The following SLC4A4 variants were observed in gnomAD, a reference collection of about 807,000 sequenced individuals.
SLC4A4 encodes electrogenic sodium bicarbonate cotransporter 1.
A neutral mutation model predicts 111.5 loss-of-function variants in SLC4A4; 27 were observed. The ratio of observed to expected loss-of-function variants is 0.24; its 90% CI spans 0.18 to 0.33. The LOEUF (loss-of-function observed/expected upper bound fraction) is 0.33. Among genes scored for constraint, SLC4A4 ranks in the 10% least tolerant of loss-of-function variants. The pLI, the probability that SLC4A4 is intolerant of heterozygous loss-of-function variation, is 1.00. For missense variants in SLC4A4, 909 were observed against 1,315.5 expected, an observed-to-expected ratio of 0.69 and a Z score of 4.78; for synonymous variants, 443 against 463.4, an observed-to-expected ratio of 0.96 and a Z score of 0.57.
Position 71,399,363 on chromosome 4 carries a change from G to A in SLC4A4, c.807+1710G>A, listed in dbSNP as rs73828140. 7.6e-3 allele frequency among the ~76,000 whole-genome samples: 1,160 copies of A among 152,096 alleles called. 16 individuals carry two copies. The highest frequency in any genetic ancestry group is 0.025 in the African/African-American group (1,021 of 41,486). On this transcript the variant is annotated intron_variant, in intron 7 of 25. Transcript: ENST00000264485. ...ACTGACAGCACTTGTAGTAGTCATA[G>A]AGGTTTATAGGCCTTGGTGAATTCT... is the stretch of plus-strand genomic sequence containing the variant.
intron 8 of SLC4A4, among the ~76,000 whole-genome samples, chr4:71,443,165 G>A (rs112262011): frequency 1.2e-4 from 16 of 129,332 alleles, no homozygotes; most frequent in African/African-American, 3.1e-4. Flanking sequence ...TTTTTTGAAG[G>A]GGGGTGATAG....
chr4:71,353,964 T>G (rs1730070018), intron 5 of SLC4A4, among the ~76,000 whole-genome samples: 1 of 152,226 alleles, frequency 6.6e-6, no homozygotes, highest in East Asian at 1.9e-4. Flanking sequence ...AAATTCAGCC[T>G]ATTTTTGATT....
At chr4:71,358,085 C>T (rs1004723320) in intron 6 of SLC4A4, among the ~76,000 whole-genome samples, 3 of 152,010 alleles carry the variant, frequency 2.0e-5, no homozygotes, top group Non-Finnish European at 4.4e-5. Context: ...GAGGCCGAGG[C>T]GGGTGGATCA....
At chr4:71,258,534 C>T (rs556288376) in intron 3 of SLC4A4, among the ~76,000 whole-genome samples, 5 of 152,252 alleles carry the variant, frequency 3.3e-5, no homozygotes, top group Admixed American at 6.5e-5. Flanking sequence ...TCTTTGGCGC[C>T]GCACAATGCC....
chr4:71,503,903 G>A (rs1222550272), intron 16 of SLC4A4, among the ~76,000 whole-genome samples: 1 of 152,108 alleles, frequency 6.6e-6, no homozygotes. Context: ...TGTCTGGAAA[G>A]ATCTTTATTA....
At chr4:71,205,751 C>T (rs1288380918) in intron 1 of SLC4A4, among the ~76,000 whole-genome samples, 4 of 152,142 alleles carry the variant, frequency 2.6e-5, no homozygotes, top group Non-Finnish European at 4.4e-5. Context: ...AAGACATCAC[C>T]TCCAAAAAAT....
At chr4:71,446,574 A>G (rs1369836557) in intron 8 of SLC4A4, among the ~76,000 whole-genome samples, 1 of 152,204 alleles carries the variant, frequency 6.6e-6, no homozygotes, top group Non-Finnish European at 1.5e-5. Context: ...GGGCTCTTCC[A>G]TTAACCTCCA....
At chr4:71,529,140 G>T (rs766643501) in intron 16 of SLC4A4, among the ~76,000 whole-genome samples, 19 of 152,008 alleles carry the variant, frequency 1.2e-4, no homozygotes, top group Non-Finnish European at 2.1e-4. Context: ...ACCATTAAAA[G>T]AAATGGATAG....
chr4:71,466,928 G>A (rs1727379425), intron 13 of SLC4A4, among the ~76,000 whole-genome samples: 1 of 72,544 alleles, frequency 1.4e-5, no homozygotes. Context: ...CCAACAAGAC[G>A]GGAAGAGAGA....
chr4:71,477,802 A>G (rs6818859), intron 14 of SLC4A4, among the ~76,000 whole-genome samples: 20,177 of 151,822 alleles, frequency 0.13, 1,580 homozygotes, highest in African/African-American at 0.22. Flanking sequence ...TTCATCAACA[A>G]AAATTTTCTG....
Position 71,451,036 on chromosome 4 carries a change from T to C in SLC4A4, c.1209-152T>C, listed in dbSNP as rs146438362. 26 of 678,588 alleles carry C rather than the reference T, an allele frequency of 3.8e-5. No homozygotes were observed. The African/African-American group carries it at 3.9e-4, about 10-fold the overall frequency. 42.0% of individuals were successfully genotyped at this position (678,588 alleles called of 1,614,324 possible). ...TTGTATTGGTTCTAAATGTAACACTTAAAGAACTGTCTGTTAGATAGCAGA... is the reference window on the plus strand; with the variant it reads ...TTGTATTGGTTCTAAATGTAACACTCAAAGAACTGTCTGTTAGATAGCAGA... On this transcript the variant is annotated intron_variant, in intron 10 of 25. Coordinates refer to ENST00000264485, the MANE Select transcript of SLC4A4 (RefSeq NM_001098484.3).
chr4:71,148,599 T>G (rs141136176), intron 2 of SLC4A4, among the ~76,000 whole-genome samples: 113 of 152,232 alleles, frequency 7.4e-4, no homozygotes, highest in Middle Eastern at 3.4e-3. Flanking sequence ...TTCTTTGCAT[T>G]CATGTGTTCT....
chr4:71,152,735 G>T (rs1007009052), intron 2 of SLC4A4, among the ~76,000 whole-genome samples: 1 of 151,848 alleles, frequency 6.6e-6, no homozygotes, highest in African/African-American at 2.4e-5. Context: ...ACCCAATGGT[G>T]CCCACCCAGG....
At chr4:71,237,506 A>G (rs1452939319) in intron 2 of SLC4A4, among the ~76,000 whole-genome samples, 2 of 152,290 alleles carry the variant, frequency 1.3e-5, no homozygotes, top group East Asian at 1.9e-4. Flanking sequence ...CACCTGAGAG[A>G]CAATTCATTT....
chr4:71,566,195 T>G (rs914454877), intron 24 of SLC4A4, among the ~76,000 whole-genome samples: 5 of 151,856 alleles, frequency 3.3e-5, no homozygotes, highest in African/African-American at 1.2e-4. Flanking sequence ...TAATTTCTGC[T>G]AACCCCTATT....
Position 71,563,985 on chromosome 4 carries a change from A to T in SLC4A4, c.3196+96A>T, listed in dbSNP as rs534064303. 11 of 840,026 alleles carry T rather than the reference A, an allele frequency of 1.3e-5. No homozygotes were observed. The African/African-American group carries it at 1.7e-4, about 13-fold the overall frequency. 52.0% of individuals were successfully genotyped at this position (840,026 alleles called of 1,614,324 possible). ...GGCCATCTGCATTAACTTTCCCTCA[A>T]TTTTGTTTTTCCTTTTTCTATGAGA... On this transcript the variant is annotated intron_variant, in intron 24 of 25. Transcript: ENST00000264485.
At chr4:71,076,119 G>A (rs1307844678) in intron 1 of SLC4A4, among the ~76,000 whole-genome samples, 1 of 151,510 alleles carries the variant, frequency 6.6e-6, no homozygotes, top group African/African-American at 2.4e-5. Flanking sequence ...TTTATTTATT[G>A]TCTTTCTTCC....
At chr4:71,320,594 A>G (rs1015442352) in intron 3 of SLC4A4, among the ~76,000 whole-genome samples, 2 of 152,012 alleles carry the variant, frequency 1.3e-5, no homozygotes, top group African/African-American at 4.8e-5. Flanking sequence ...TCTCTACTTT[A>G]CAAGGTTGCT....
chr4:71,100,207 A>C (rs1354207617), intron 2 of SLC4A4, among the ~76,000 whole-genome samples: 1 of 152,176 alleles, frequency 6.6e-6, no homozygotes, highest in African/African-American at 2.4e-5. Flanking sequence ...TCCTCAATGA[A>C]ATACTTGCAA....
Sources: gnomAD v4.1 joint callset for allele counts (sites outside exome capture counted in the v4.1 genomes callset) on GRCh38, gnomAD v4.1.1 for gene constraint, MANE v1.5 for transcripts, NCBI Gene and HGNC (gene_info 2026-07-23, HGNC 2026-07-21) for gene names.